The following CFAP54 variants were observed in gnomAD, a reference collection of about 807,000 sequenced individuals.
CFAP54 encodes the protein cilia and flagella associated protein 54.
Under a neutral mutation model 370.4 loss-of-function variants are expected in CFAP54, and 290 were observed. The observed-to-expected ratio is 0.78, with a 90% CI of 0.71 to 0.86. The LOEUF (loss-of-function observed/expected upper bound fraction) is 0.86. Among genes scored for constraint, CFAP54 ranks in the 40% least tolerant of loss-of-function variants. The pLI, the probability that CFAP54 is intolerant of heterozygous loss-of-function variation, is 0.00. For missense variants in CFAP54, 3,399 were observed against 3,528.7 expected (o/e 0.96, Z 0.93); for synonymous variants, 1,206 against 1,236.5 (o/e 0.98, Z 0.52).
At chr12:96,826,903 T>TATATGATTATATATA (rs1959120116) in intron 65 of CFAP54, among the ~76,000 whole-genome samples, 1 of 121,048 alleles carries the variant, frequency 8.3e-6, no homozygotes, top group African/African-American at 3.4e-5. Context: ...TGATATATTA[T>TATATGATTATATATA]ATATGCAATT....
Position 96,503,932 on chromosome 12 carries a change from A to C in CFAP54, c.470A>C (p.Gln157Pro), listed in dbSNP as rs1955060426. 2 of 1,525,842 alleles carry C rather than the reference A, an allele frequency of 1.3e-6. No homozygotes were observed. The highest frequency in any genetic ancestry group is 1.7e-6 in the Non-Finnish European group (2 of 1,143,222). 94.5% of individuals were successfully genotyped at this position (1,525,842 alleles called of 1,614,324 possible). A position where few individuals can be genotyped will look rare whatever the true frequency, so the allele number is the denominator to read the frequency against. ...LLQCYGRYLQ[Q>P]FNTNFDENKV... is the part of the protein sequence containing the mutation. ...CAATGCTATGGAAGATATCTTCAGC[A>C]GTTCAATACCAATTTTGATGAGAAT... Residue 157 changes from glutamine to proline, a missense_variant, in exon 3 of 68, where the codon CAG (glutamine) becomes CCG (proline). Coordinates refer to ENST00000524981, the MANE Select transcript of CFAP54 (RefSeq NM_001306084.2).
chr12:96,555,841 A>T (rs1462918499), intron 17 of CFAP54, among the ~76,000 whole-genome samples: 1 of 151,898 alleles, frequency 6.6e-6, no homozygotes, highest in East Asian at 1.9e-4. Flanking sequence ...AGATCTATAG[A>T]CTCAATGCAA....
intron 46 of CFAP54, among the ~76,000 whole-genome samples, chr12:96,701,047 G>A (rs1407668348): frequency 3.3e-5 from 5 of 152,236 alleles, no homozygotes; most frequent in African/African-American, 9.6e-5. Flanking sequence ...GACTGCTACA[G>A]CATTATAATT....
At chr12:96,759,155 C>T (rs996771816) in intron 58 of CFAP54, among the ~76,000 whole-genome samples, 1 of 151,802 alleles carries the variant, frequency 6.6e-6, no homozygotes, top group East Asian at 1.9e-4. Context: ...CAATTCTTAC[C>T]AATTATTCAT....
At chr12:96,669,549 G>A (rs999232421) in intron 39 of CFAP54, among the ~76,000 whole-genome samples, 1 of 152,084 alleles carries the variant, frequency 6.6e-6, no homozygotes, top group Admixed American at 6.5e-5. Context: ...GATGTCCACA[G>A]GACTGTGATC....
chr12:96,703,304 CAG>C (rs1592716302), intron 46 of CFAP54, among the ~76,000 whole-genome samples: 1 of 152,168 alleles, frequency 6.6e-6, no homozygotes, highest in East Asian at 1.9e-4. Context: ...CTGGGGCTCT[CAG>C]AGAGACTGGG....
chr12:96,803,612 C>T (rs1356060530), intron 63 of CFAP54, among the ~76,000 whole-genome samples: 1 of 152,114 alleles, frequency 6.6e-6, no homozygotes, highest in African/African-American at 2.4e-5. Flanking sequence ...CCAAGGAAAC[C>T]AGGAATACCA....
intron 63 of CFAP54, among the ~76,000 whole-genome samples, chr12:96,802,125 C>T (rs116354772): frequency 6.6e-6 from 1 of 151,990 alleles, no homozygotes; most frequent in East Asian, 1.9e-4. Context: ...GATGTGGCAG[C>T]AGCTGCTGCC....
Position 96,506,957 on chromosome 12 carries a change from C to G in CFAP54, c.597C>G (p.Cys199Trp). 1 of 1,530,086 alleles carries G rather than the reference C, an allele frequency of 6.5e-7. No individual in the cohort carries two copies. The highest frequency in any genetic ancestry group is 8.7e-7 in the Non-Finnish European group (1 of 1,145,556). The allele number at this position is 1,530,086 out of a possible 1,614,324, so 94.8% of individuals were successfully genotyped here. A position where few individuals can be genotyped will look rare whatever the true frequency, so the allele number is the denominator to read the frequency against. The change falls in exon 4 of 68, where the codon TGC becomes TGG. Residue 199 changes from cysteine to tryptophan, a missense_variant. Around this residue, in one of 3 missense-constraint regions of CFAP54, gnomAD observed 559 missense variants for 576.7 expected, o/e 0.97. Transcript: ENST00000524981. Reference protein sequence around the residue: ...TFHALSGKNMCNYQLVCDSDE... With the variant: ...TFHALSGKNMWNYQLVCDSDE... ...ATGCTTTGAGTGGCAAAAATATGTG[C>G]AACTACCAGCTGGTCTGCGACAGTG...
Position 96,829,040 on chromosome 12 carries a change from A to G in CFAP54, c.9123A>G (p.Glu3041=), listed in dbSNP as rs1485102261. 1 of 1,520,378 alleles carries G rather than the reference A, an allele frequency of 6.6e-7. No individual in the cohort carries two copies. Among genetic ancestry groups the G allele is most frequent in the African/African-American group, 1.4e-5 (1 of 72,712 alleles). The allele number at this position is 1,520,378 out of a possible 1,614,324, so 94.2% of individuals were successfully genotyped here. ...MEDMIIQCCS[E]IASLFLNDKE... The stretch of plus-strand genomic sequence containing the variant: ...ACATGATTATTCAATGTTGCTCTGA[A>G]ATAGCATCTCTGTTTTTGAATGATA... Residue 3041 remains glutamate (E), a synonymous_variant, in exon 66 of 68, where the codon GAA becomes GAG. Transcript: ENST00000524981.
intron 4 of CFAP54, among the ~76,000 whole-genome samples, chr12:96,511,681 T>C (rs184751929): frequency 6.6e-6 from 1 of 152,256 alleles, no homozygotes; most frequent in East Asian, 1.9e-4. Flanking sequence ...ATGGGGTTTC[T>C]CCATGTTGGC....
At chr12:96,673,711 G>A (rs76060860) in intron 39 of CFAP54, among the ~76,000 whole-genome samples, 17,272 of 152,194 alleles carry the variant, frequency 0.11, 1,293 homozygotes, top group Middle Eastern at 0.22. Flanking sequence ...AAAAGACAGA[G>A]TACTCATGAT....
intron 60 of CFAP54, among the ~76,000 whole-genome samples, chr12:96,771,565 T>G (rs188320415): frequency 0.016 from 2,474 of 152,204 alleles, 59 homozygotes; most frequent in Non-Finnish European, 0.02. Flanking sequence ...GGCAGGAGAA[T>G]GGCGTGAACC....
intron 56 of CFAP54, 90 bp downstream of exon 56, chr12:96,753,988 C>T: frequency 7.4e-7 from 1 of 1,346,848 alleles, no homozygotes; most frequent in South Asian, 1.4e-5. Flanking sequence ...TGGTCCCTGA[C>T]TATAAAAATT....
Position 96,720,483 on chromosome 12 carries a change from T to C in CFAP54, c.6883T>C (p.Ser2295Pro). 6.2e-7 allele frequency: 1 copy of C among 1,605,256 alleles called. No homozygotes were observed. The highest frequency in any genetic ancestry group is 8.5e-7 in the Non-Finnish European group (1 of 1,175,096). ...GGAACAGAAGACCCTGTCTCAGTGCTCCGCTGGCGAGCTGGAGATTGTGGT... is the reference window on the plus strand; with the variant it reads ...GGAACAGAAGACCCTGTCTCAGTGCCCCGCTGGCGAGCTGGAGATTGTGGT... ...EVEQKTLSQC[S>P]AGELEIVVEA... The change falls in exon 50 of 68, where the codon TCC becomes CCC. Residue 2295 changes from serine to proline, a missense_variant. Around this residue, in one of 3 missense-constraint regions of CFAP54, gnomAD observed 2,796 missense variants for 2,869.7 expected, o/e 0.97. Coordinates refer to ENST00000524981, the MANE Select transcript of CFAP54 (RefSeq NM_001306084.2).
intron 19 of CFAP54, chr12:96,573,066 C>T: frequency 1.0e-6 from 1 of 984,292 alleles, no homozygotes; most frequent in Non-Finnish European, 1.2e-6. Flanking sequence ...AGGCAGTCTG[C>T]TTGACTATAA....
intron 55 of CFAP54, among the ~76,000 whole-genome samples, chr12:96,744,852 C>T (rs1958094491): frequency 6.6e-6 from 1 of 152,122 alleles, no homozygotes. Flanking sequence ...CTCTCCCTTG[C>T]TCTACCCCCC....
chr12:96,552,801 T>A (rs1955709208), intron 15 of CFAP54, among the ~76,000 whole-genome samples: 1 of 152,218 alleles, frequency 6.6e-6, no homozygotes, highest in Non-Finnish European at 1.5e-5. Flanking sequence ...CTTCTATAGT[T>A]ACCTTCGCAT....
rs571769005 is a variant in CFAP54 at position 96,776,315 on chromosome 12, TA to T, written c.8282-8392del. On this transcript the variant is annotated intron_variant, in intron 60 of 67. Transcript: ENST00000524981. ...ATAATTTATCCAGATTTACTTTAGGTAAAAAAAAAATTAGACAAATCTATTA... is the reference window on the plus strand; with the variant it reads ...ATAATTTATCCAGATTTACTTTAGGTAAAAAAAAATTAGACAAATCTATTA... Among the ~76,000 whole-genome samples, 602 of 149,548 alleles carry T rather than the reference TA, an allele frequency of 4.0e-3. 3 individuals carry two copies. The highest frequency in any genetic ancestry group is 0.013 in the African/African-American group (543 of 40,950).
Sources: allele counts gnomAD v4.1 joint callset (sites outside exome capture counted in the v4.1 genomes callset), GRCh38; gene constraint gnomAD v4.1.1; regional missense constraint gnomAD v4.1.1; transcripts MANE v1.5; gene names NCBI Gene and HGNC (gene_info 2026-07-23, HGNC 2026-07-21).